Variants in MED12L observed in about 807,000 individuals in gnomAD.
MED12L encodes the protein mediator complex subunit 12L.
MED12L carries 60 observed loss-of-function variants against 281.3 expected under a neutral mutation model. The observed-to-expected ratio is 0.21, with a 90% confidence interval of 0.17 to 0.26. The LOEUF (loss-of-function observed/expected upper bound fraction) is 0.26, where lower values mean the gene tolerates loss of function less well. Ranked by LOEUF, MED12L falls within the 10% of genes least tolerant of loss-of-function variation. The probability of loss-of-function intolerance (pLI) is 1.00; values close to 1 mark genes in which losing one functional copy is unlikely to be tolerated. For missense variants in MED12L, 2,146 were observed against 2,680.9 expected (o/e 0.80, Z 4.41); for synonymous variants, 974 against 987.2 (o/e 0.99, Z 0.25).
At chr3:151,320,861 C>G in intron 16 of MED12L, among the ~76,000 whole-genome samples, 1 of 152,292 alleles carries the variant, frequency 6.6e-6, no homozygotes, top group African/African-American at 2.4e-5. Flanking sequence ...TGGAACATCT[C>G]CACTTAGCAG....
At position 151,409,285 on chromosome 3, in the gene MED12L, C is replaced by G; in HGVS notation, c.5863C>G (p.Arg1955Gly). The change falls in exon 40 of 45, where the codon CGG becomes GGG. Residue 1955 changes from arginine (R) to glycine (G), a missense_variant. Transcript: ENST00000687756. ...DQAALFAAQA[R>G]PSPQLPQYPG... The stretch of plus-strand genomic sequence containing the variant: ...GGCTGCTCTCTTTGCTGCGCAAGCA[C>G]GGCCCTCCCCTCAGCTCCCTCAGTA... The G allele has an allele frequency of 1.2e-6, 2 of 1,612,842 alleles. No individual in the cohort carries two copies. Among genetic ancestry groups the G allele is most frequent in the Non-Finnish European group, 1.7e-6 (2 of 1,179,646 alleles).
At chr3:151,277,735 A>G (rs1469234779) in intron 16 of MED12L, among the ~76,000 whole-genome samples, 2 of 152,254 alleles carry the variant, frequency 1.3e-5, no homozygotes. Flanking sequence ...TAGGACAGAT[A>G]TTTCTGTGAT....
chr3:151,125,959 T>C (rs1049416701), intron 4 of MED12L, among the ~76,000 whole-genome samples: 6 of 152,176 alleles, frequency 3.9e-5, no homozygotes, highest in Admixed American at 3.9e-4. Context: ...GGGTCTGTGT[T>C]CTGAAGTCAG....
At chr3:151,142,574 G>C (rs1196847892) in intron 5 of MED12L, among the ~76,000 whole-genome samples, 1 of 152,116 alleles carries the variant, frequency 6.6e-6, no homozygotes, top group East Asian at 1.9e-4. Flanking sequence ...ACATAGTTTA[G>C]AAGCAATAAT....
Position 151,397,372 on chromosome 3 carries a change from G to A in MED12L, c.5820+2505G>A, listed in dbSNP as rs930938830. Among the ~76,000 whole-genome samples, 26 of 152,178 alleles carry A rather than the reference G, an allele frequency of 1.7e-4. 1 individual carries two copies. The highest frequency in any genetic ancestry group is 1.7e-3 in the Admixed American group (26 of 15,280). Reference sequence around the variant, plus strand: ...ATAGTATTCTTAAAGGAAGAGAAATGCATACATTATGCAGTCACGATGTAC... The same window carrying A: ...ATAGTATTCTTAAAGGAAGAGAAATACATACATTATGCAGTCACGATGTAC... On this transcript the variant is annotated intron_variant, in intron 39 of 44. Coordinates refer to ENST00000687756, the MANE Select transcript of MED12L (RefSeq NM_001393769.1).
chr3:151,116,064 CAAAAAAAAAAAA>C (rs59017489), intron 2 of MED12L, among the ~76,000 whole-genome samples: 9 of 92,268 alleles, frequency 9.8e-5, no homozygotes, highest in Admixed American at 2.5e-4. Context: ...ACTCCATCTC[CAAAAAAAAAAAA>C]AAAAAAAAAA....
intron 5 of MED12L, among the ~76,000 whole-genome samples, chr3:151,147,226 C>T (rs937512063): frequency 3.3e-5 from 5 of 152,134 alleles, no homozygotes; most frequent in Non-Finnish European, 7.4e-5. Context: ...GAAATTATAT[C>T]ATTTCCTAGT....
chr3:151,430,312 G>A lies in MED12L; in HGVS notation c.6422G>A (p.Gly2141Asp). ...QPQQPLFPRQ[G>D]LQQTQQQQQT... ...TCGCCATTACAGTTTCCCAGGCAAG[G>A]CTTGCAGCAGACCCAGCAGCAGCAG... The change falls in exon 44 of 45, where the codon GGC becomes GAC. Residue 2141 changes from glycine to aspartate, a missense_variant. By Grantham distance (94) the Gly-to-Asp change is moderately conservative. Coordinates refer to ENST00000687756, the MANE Select transcript of MED12L (RefSeq NM_001393769.1). The A allele has an allele frequency of 6.2e-7, 1 of 1,614,100 alleles. No individual in the cohort carries two copies. The highest frequency in any genetic ancestry group is 2.2e-5 in the East Asian group (1 of 44,872).
At chr3:151,283,559 C>T (rs1442161835) in intron 16 of MED12L, among the ~76,000 whole-genome samples, 1 of 152,204 alleles carries the variant, frequency 6.6e-6, no homozygotes, top group East Asian at 1.9e-4. Context: ...AGACATGTCC[C>T]TAATACCTCA....
chr3:151,127,126 C>G (rs543577367), intron 4 of MED12L, among the ~76,000 whole-genome samples: 3 of 152,200 alleles, frequency 2.0e-5, no homozygotes, highest in Non-Finnish European at 2.9e-5. Context: ...AATGAATTAA[C>G]TCTTTCAAAC....
intron 14 of MED12L, 146 bp downstream of exon 14, chr3:151,191,077 C>T: frequency 1.5e-6 from 1 of 676,636 alleles, no homozygotes; most frequent in Non-Finnish European, 2.5e-6. Flanking sequence ...ACTTCTCGAG[C>T]AGGAAAGATA....
intron 18 of MED12L, 67 bp from the exon 19 acceptor site, chr3:151,355,829 T>C: frequency 4.3e-6 from 6 of 1,402,944 alleles, no homozygotes; most frequent in Non-Finnish European, 5.8e-6. Flanking sequence ...AAAGTAAAAA[T>C]GATTTATCTT....
At chr3:151,113,093 T>G (rs1280105142) in intron 2 of MED12L, among the ~76,000 whole-genome samples, 1 of 152,202 alleles carries the variant, frequency 6.6e-6, no homozygotes, top group Non-Finnish European at 1.5e-5. Context: ...TATGGATTGT[T>G]GAAGGATTAG....
intron 16 of MED12L, among the ~76,000 whole-genome samples, chr3:151,301,851 TA>T (rs1308569356): frequency 6.6e-6 from 1 of 152,212 alleles, no homozygotes; most frequent in Non-Finnish European, 1.5e-5. Context: ...GGCAGTTTCT[TA>T]AAAAGTTAAA....
intron 12 of MED12L, among the ~76,000 whole-genome samples, chr3:151,186,016 ATT>A (rs1490384961): frequency 6.6e-6 from 1 of 152,086 alleles, no homozygotes; most frequent in Non-Finnish European, 1.5e-5. Flanking sequence ...ACAACTACAT[ATT>A]TTAGTGGATT....
chr3:151,179,477 G>A (rs1722461576), intron 11 of MED12L, among the ~76,000 whole-genome samples: 1 of 152,152 alleles, frequency 6.6e-6, no homozygotes, highest in Non-Finnish European at 1.5e-5. Flanking sequence ...TTTTTCTTAT[G>A]TCCAAAGAAT....
At chr3:151,388,250 C>T (rs539172515) in intron 37 of MED12L, 78 bp downstream of exon 37, 114 of 1,487,936 alleles carry the variant, frequency 7.7e-5, no homozygotes, top group Admixed American at 3.2e-4. Context: ...TCATATCCCT[C>T]GAAACATTAC....
At chr3:151,172,348 G>A (rs912657493) in intron 11 of MED12L, among the ~76,000 whole-genome samples, 1 of 152,150 alleles carries the variant, frequency 6.6e-6, no homozygotes, top group Non-Finnish European at 1.5e-5. Context: ...ATGTAAATGG[G>A]TACTTAATAA....
intron 43 of MED12L, among the ~76,000 whole-genome samples, chr3:151,427,747 T>G (rs1577629928): frequency 6.6e-6 from 1 of 152,206 alleles, no homozygotes; most frequent in Non-Finnish European, 1.5e-5. Context: ...TAGTGGTTGG[T>G]CAAAGGGTCC....
Sources: allele counts gnomAD v4.1 joint callset (sites outside exome capture counted in the v4.1 genomes callset), GRCh38; gene constraint gnomAD v4.1.1; transcripts MANE v1.5; gene names NCBI Gene and HGNC (gene_info 2026-07-23, HGNC 2026-07-21).